The following PTPN3 variants were observed in gnomAD, a reference collection of about 807,000 sequenced individuals.
The protein encoded by PTPN3 is tyrosine-protein phosphatase non-receptor type 3.
A neutral mutation model predicts 132.7 loss-of-function variants in PTPN3; 96 were observed. The ratio of observed to expected loss-of-function variants is 0.72; its 90% CI spans 0.61 to 0.86. The LOEUF is 0.86. Among genes scored for constraint, PTPN3 ranks in the 40% least tolerant of loss-of-function variants. PTPN3 has a pLI of 0.00. For missense variants in PTPN3, 1,125 were observed against 1,159.6 expected (o/e 0.97, Z 0.43); for synonymous variants, 398 against 429.0 (o/e 0.93, Z 0.89).
intron 12 of PTPN3, among the ~76,000 whole-genome samples, chr9:109,426,239 ATTTT>A (rs1268815775): frequency 1.3e-5 from 2 of 149,152 alleles, no homozygotes; most frequent in Non-Finnish European, 3.0e-5. Flanking sequence ...ACTGTACATC[ATTTT>A]ATTTAGAGAA....
At chr9:109,534,963 A>G in the PTPN3 span, among the ~76,000 whole-genome samples, 1 of 152,246 alleles carries the variant, frequency 6.6e-6, no homozygotes, top group Non-Finnish European at 1.5e-5. Flanking sequence ...TTGCTCTAAT[A>G]AAAAGCAGGC....
intron 21 of PTPN3, among the ~76,000 whole-genome samples, chr9:109,390,818 C>T (rs951953048): frequency 2.0e-5 from 3 of 151,874 alleles, no homozygotes; most frequent in African/African-American, 4.8e-5. Flanking sequence ...TAGACAGTTT[C>T]ATCACTGGCA....
intron 21 of PTPN3, 123 bp from the exon 22 acceptor site, chr9:109,389,502 C>G (rs1359305845): frequency 2.0e-6 from 2 of 998,748 alleles, no homozygotes; most frequent in African/African-American, 3.3e-5. Flanking sequence ...TTTATCAATT[C>G]ACAGCCAATA....
At chr9:109,413,954 C>T (rs1028295460) in intron 14 of PTPN3, among the ~76,000 whole-genome samples, 12 of 152,136 alleles carry the variant, frequency 7.9e-5, no homozygotes, top group African/African-American at 2.9e-4. Flanking sequence ...GAGGCAAAGT[C>T]CTGCTCTCAA....
At chr9:109,489,069 C>A (rs1039642141) in intron 1 of PTPN3, among the ~76,000 whole-genome samples, 15 of 152,226 alleles carry the variant, frequency 9.9e-5, no homozygotes, top group Admixed American at 3.3e-4. Flanking sequence ...GTGACTCCCG[C>A]CTCCTGCCCT....
the PTPN3 span, among the ~76,000 whole-genome samples, chr9:109,522,205 C>T: frequency 6.6e-6 from 1 of 152,216 alleles, no homozygotes; most frequent in Non-Finnish European, 1.5e-5. Context: ...ATCTAGGCTT[C>T]TAAATCATTA....
intron 5 of PTPN3, among the ~76,000 whole-genome samples, chr9:109,452,240 C>G (rs1350229022): frequency 2.1e-5 from 3 of 140,454 alleles, no homozygotes; most frequent in Non-Finnish European, 3.0e-5. Context: ...TGCACTCCAG[C>G]CTGGGTGACA....
the PTPN3 span, among the ~76,000 whole-genome samples, chr9:109,510,452 G>T: frequency 6.6e-6 from 1 of 151,240 alleles, no homozygotes; most frequent in East Asian, 1.9e-4. Context: ...CAGCTACTCA[G>T]GAGGCTGAGG....
intron 2 of PTPN3, among the ~76,000 whole-genome samples, chr9:109,457,656 A>G (rs1845632624): frequency 6.6e-6 from 1 of 152,306 alleles, no homozygotes; most frequent in East Asian, 1.9e-4. Flanking sequence ...CTTAGCTGCA[A>G]TTCCCAAGTG....
intron 23 of PTPN3, 28 bp from the exon 24 acceptor site, chr9:109,382,475 G>C: frequency 6.2e-7 from 1 of 1,612,722 alleles, no homozygotes; most frequent in African/African-American, 1.3e-5. Flanking sequence ...GCCTTGGTGA[G>C]CCCATCCAGG....
chr9:109,389,878 C>T (rs1839916535), intron 21 of PTPN3, among the ~76,000 whole-genome samples: 1 of 152,210 alleles, frequency 6.6e-6, no homozygotes. Flanking sequence ...TCAATCTTGA[C>T]ATTAAATGTT....
chr9:109,408,437 C>CAAAAA, intron 16 of PTPN3, 60 bp from the exon 17 acceptor site: 1 of 1,380,598 alleles, frequency 7.2e-7, no homozygotes, highest in Non-Finnish European at 1.0e-6. Flanking sequence ...AACAAACAAA[C>CAAAAA]AAAAAAACGA....
rs1182495278 is a variant in PTPN3 at position 109,410,203 on chromosome 9, T to C, written c.1500+26A>G. 3 of 1,611,362 alleles carry C rather than the reference T, an allele frequency of 1.9e-6. No individual in the cohort carries two copies. The Admixed American group carries it at 5.0e-5, about 27-fold the overall frequency. ...GGCCGGGAAGCCCTGGGTGTGTGGA[T>C]CACCCGGCTGCCTGCGCTCGCTCAC... is the stretch of plus-strand genomic sequence containing the variant. On this transcript the variant is annotated intron_variant, in intron 15 of 25. Transcript: ENST00000374541.
chr9:109,504,879 G>A, the PTPN3 span, among the ~76,000 whole-genome samples: 2 of 152,190 alleles, frequency 1.3e-5, no homozygotes, highest in African/African-American at 2.4e-5. Flanking sequence ...CGAAACAATC[G>A]CCTTCCCTGA....
intron 1 of PTPN3, among the ~76,000 whole-genome samples, chr9:109,489,836 T>C (rs1847375924): frequency 6.6e-6 from 1 of 152,068 alleles, no homozygotes; most frequent in Non-Finnish European, 1.5e-5. Flanking sequence ...GGGAAAGCTT[T>C]GTTATAAAAA....
chr9:109,507,982 G>A, the PTPN3 span, among the ~76,000 whole-genome samples: 1 of 151,994 alleles, frequency 6.6e-6, no homozygotes, highest in African/African-American at 2.4e-5. Context: ...CCTCTTTCTT[G>A]CTTCCCCTTG....
the PTPN3 span, among the ~76,000 whole-genome samples, chr9:109,534,846 T>C: frequency 2.7e-5 from 4 of 149,066 alleles, no homozygotes; most frequent in Non-Finnish European, 4.5e-5. Context: ...AAAGTTAGTG[T>C]GCAGTAGTTT....
chr9:109,428,592 A>T, intron 11 of PTPN3, 29 bp downstream of exon 11: 1 of 1,608,570 alleles, frequency 6.2e-7, no homozygotes, highest in Non-Finnish European at 8.5e-7. Flanking sequence ...TATGCACGAA[A>T]CAAAGCAAGC....
intron 14 of PTPN3, chr9:109,417,486 A>T: frequency 1.3e-6 from 1 of 752,462 alleles, no homozygotes; most frequent in Non-Finnish European, 1.6e-6. Context: ...AACATGTCAA[A>T]TATTTTGTAA....
Sources: allele counts gnomAD v4.1 joint callset (sites outside exome capture counted in the v4.1 genomes callset), GRCh38; gene constraint gnomAD v4.1.1; transcripts MANE v1.5; gene names NCBI Gene and HGNC (gene_info 2026-07-23, HGNC 2026-07-21).